CORIN: variants seen among roughly 807,000 people sequenced by gnomAD.
CORIN encodes the protein atrial natriuretic peptide-converting enzyme.
Under a neutral mutation model 125.3 loss-of-function variants are expected in CORIN, and 117 were observed. The ratio of observed to expected loss-of-function variants is 0.93; its 90% CI spans 0.80 to 1.09. The LOEUF (loss-of-function observed/expected upper bound fraction) is 1.09. CORIN is among the 50% of genes least tolerant of loss of function. The probability of loss-of-function intolerance (pLI) is 0.00; values close to 1 mark genes in which losing one functional copy is unlikely to be tolerated. For synonymous variants in CORIN, 450 were observed against 466.4 expected, an observed-to-expected ratio of 0.96 and a Z score of 0.45; for missense variants, 1,253 against 1,306.7, an observed-to-expected ratio of 0.96 and a Z score of 0.63.
At chr4:47,609,607 T>C (rs1308727486) in intron 19 of CORIN, among the ~76,000 whole-genome samples, 3 of 152,152 alleles carry the variant, frequency 2.0e-5, no homozygotes, top group Non-Finnish European at 4.4e-5. Flanking sequence ...TCTTGAACTG[T>C]TATTTTAAGT....
intron 6 of CORIN, among the ~76,000 whole-genome samples, chr4:47,687,553 A>C (rs1309943831): frequency 2.0e-5 from 3 of 152,186 alleles, no homozygotes; most frequent in Non-Finnish European, 4.4e-5. Flanking sequence ...TCATACGCAC[A>C]CTATTAATTC....
intron 4 of CORIN, among the ~76,000 whole-genome samples, chr4:47,752,560 C>T (rs1728950101): frequency 3.3e-5 from 5 of 152,102 alleles, no homozygotes; most frequent in Admixed American, 3.3e-4. Flanking sequence ...ATGCACTATT[C>T]AACATTTAAG....
chr4:47,833,504 G>A (rs62299257), intron 1 of CORIN, among the ~76,000 whole-genome samples: 47,109 of 132,052 alleles, frequency 0.36, 9,494 homozygotes, highest in Middle Eastern at 0.48. Context: ...TCTTGGATAC[G>A]ACACCAAAAG....
chr4:47,697,617 G>A (rs1380195989), intron 5 of CORIN, among the ~76,000 whole-genome samples: 1 of 152,132 alleles, frequency 6.6e-6, no homozygotes, highest in African/African-American at 2.4e-5. Flanking sequence ...AGGAGGCGAG[G>A]CAAGAGAATC....
chr4:47,603,438 G>C lies in CORIN; in HGVS notation c.2771C>G (p.Thr924Arg), dbSNP rs532940795. The change falls in exon 20 of 22, where the codon ACG (threonine) becomes AGG (arginine). Residue 924 changes from threonine to arginine, a missense_variant. Thr to Arg is a moderately conservative substitution (Grantham distance 71). Transcript: ENST00000273857. Reference sequence around the variant, plus strand: ...GCCCCAGCCTGTGATATAGCAGTACGTGTCAGGCTCTAGCCACTGCTCCGG... The same window carrying C: ...GCCCCAGCCTGTGATATAGCAGTACCTGTCAGGCTCTAGCCACTGCTCCGG... The part of the protein sequence containing the change: ...PNPEQWLEPD[T>R]YCYITGWGHM... 1 of 1,614,052 alleles carries C rather than the reference G, an allele frequency of 6.2e-7. No homozygotes were observed. Among genetic ancestry groups the C allele is most frequent in the Non-Finnish European group, 8.5e-7 (1 of 1,180,040 alleles).
At chr4:47,756,286 A>G (rs1048459408) in intron 4 of CORIN, among the ~76,000 whole-genome samples, 2 of 152,228 alleles carry the variant, frequency 1.3e-5, no homozygotes, top group Non-Finnish European at 2.9e-5. Flanking sequence ...AGCCAGGTCA[A>G]CAACACTAGA....
intron 4 of CORIN, among the ~76,000 whole-genome samples, chr4:47,754,410 G>A (rs1417859618): frequency 1.3e-5 from 2 of 152,096 alleles, no homozygotes; most frequent in South Asian, 2.1e-4. Flanking sequence ...AGCAGCAAAT[G>A]ACTTCAGAAT....
At position 47,750,551 on chromosome 4, in the gene CORIN, T is replaced by A. The variant is rs191218762; in HGVS notation, c.618-5968A>T. 1.3e-4 allele frequency among the ~76,000 whole-genome samples: 20 copies of A among 152,244 alleles called. No individual in the cohort carries two copies. In the East Asian group the frequency reaches 3.9e-3, roughly 29 times the overall value. On this transcript the variant is annotated intron_variant, in intron 4 of 21. Transcript: ENST00000273857. Reference sequence around the variant, plus strand: ...ACCAACAAGGCATAGTACAGTAGGCTGCTGCAGGGAGCTGTTAGCACCCTA... The same window carrying A: ...ACCAACAAGGCATAGTACAGTAGGCAGCTGCAGGGAGCTGTTAGCACCCTA...
intron 6 of CORIN, among the ~76,000 whole-genome samples, chr4:47,685,745 CT>C (rs1156297740): frequency 6.6e-6 from 1 of 151,692 alleles, no homozygotes; most frequent in African/African-American, 2.4e-5. Context: ...TTTTATTTCC[CT>C]TATTTAAAGT....
rs60113252 is a variant in CORIN, at chr4:47,686,445, C to T, written c.914-2607G>A. On this transcript the variant is annotated intron_variant, in intron 6 of 21. Coordinates refer to ENST00000273857, the MANE Select transcript of CORIN (RefSeq NM_006587.4). ...TAAGAAGTCCTAGCGATCACCTTGA[C>T]AACGGTATTTTATCCCACTCAGCAG... Among the ~76,000 whole-genome samples the T allele has an allele frequency of 2.9e-3, 436 of 152,222 alleles. 3 individuals carry two copies. Among genetic ancestry groups the T allele is most frequent in the African/African-American group, 0.01 (418 of 41,526 alleles).
chr4:47,796,042 G>A (rs561656334), intron 2 of CORIN, among the ~76,000 whole-genome samples: 1 of 152,128 alleles, frequency 6.6e-6, no homozygotes, highest in East Asian at 1.9e-4. Flanking sequence ...AGCCACTATG[G>A]AAAACAGAAT....
rs748178107 is a variant in CORIN at position 47,600,362 on chromosome 4, A to T, written c.2813-15T>A. 6.3e-7 allele frequency: 1 copy of T among 1,596,918 alleles called. No individual in the cohort carries two copies. The highest frequency in any genetic ancestry group is 8.6e-7 in the Non-Finnish European group (1 of 1,169,352). ...CTTAAATGGCACTGAATTTTTAAAA[A>T]ATAAGAATATATATATGATGATAAA... is the stretch of plus-strand genomic sequence containing the variant. On this transcript the variant is annotated splice_polypyrimidine_tract_variant and intron_variant, in intron 20 of 21. Coordinates refer to ENST00000273857, the MANE Select transcript of CORIN (RefSeq NM_006587.4).
chr4:47,751,852 G>T (rs935319596), intron 4 of CORIN, among the ~76,000 whole-genome samples: 1 of 152,162 alleles, frequency 6.6e-6, no homozygotes, highest in African/African-American at 2.4e-5. Flanking sequence ...TTTGCTAAAG[G>T]AATAAATTGA....
At chr4:47,811,887 T>C (rs921172293) in intron 1 of CORIN, among the ~76,000 whole-genome samples, 14 of 152,208 alleles carry the variant, frequency 9.2e-5, no homozygotes, top group African/African-American at 3.4e-4. Context: ...AGAGATCATA[T>C]GGTACTCAAA....
intron 19 of CORIN, among the ~76,000 whole-genome samples, chr4:47,618,751 G>A (rs573722631): frequency 3.3e-5 from 5 of 151,934 alleles, no homozygotes; most frequent in Middle Eastern, 3.4e-3. Flanking sequence ...CCCAGGAGGC[G>A]GAGCTTGCAG....
intron 5 of CORIN, among the ~76,000 whole-genome samples, chr4:47,712,235 C>CATTA (rs1726877919): frequency 6.6e-6 from 1 of 152,044 alleles, no homozygotes; most frequent in Non-Finnish European, 1.5e-5. Context: ...TAATATGACA[C>CATTA]ATTATCATGA....
At chr4:47,763,313 T>C in intron 4 of CORIN, 66 bp downstream of exon 4, 10 of 1,284,156 alleles carry the variant, frequency 7.8e-6, no homozygotes, top group Non-Finnish European at 1.1e-5. Flanking sequence ...TGGATAATTT[T>C]TTTTCTCCTA....
At position 47,665,103 on chromosome 4, in the gene CORIN, G is replaced by A. The variant is rs1724421518; in HGVS notation, c.1518C>T (p.Leu506=). The A allele has an allele frequency of 6.2e-7, 1 of 1,613,676 alleles. No individual in the cohort carries two copies. The highest frequency in any genetic ancestry group is 1.3e-5 in the African/African-American group (1 of 74,876). ...ALVQTNCYKY[L]MFFSCTILVP... Reference sequence around the variant, plus strand: ...CCAAAATGGTGCAAGAAAAGAACATGAGGTATTTATAACAGTTGGTTTGAA... The same window carrying A: ...CCAAAATGGTGCAAGAAAAGAACATAAGGTATTTATAACAGTTGGTTTGAA... Residue 506 remains leucine (L), a synonymous_variant, in exon 11 of 22, where the codon CTC becomes CTT. Transcript: ENST00000273857.
chr4:47,797,969 A>C (rs1731373091), intron 2 of CORIN, among the ~76,000 whole-genome samples: 1 of 152,116 alleles, frequency 6.6e-6, no homozygotes, highest in Non-Finnish European at 1.5e-5. Context: ...GACTATAACT[A>C]ATGAAATAAA....
Sources: allele counts gnomAD v4.1 joint callset (sites outside exome capture counted in the v4.1 genomes callset), GRCh38; gene constraint gnomAD v4.1.1; transcripts MANE v1.5; gene names NCBI Gene and HGNC (gene_info 2026-07-23, HGNC 2026-07-21).